RB1: variants seen among roughly 807,000 people sequenced by gnomAD.
The protein encoded by RB1 is RB transcriptional corepressor 1.
In RB1, 18 loss-of-function variants were observed where a neutral mutation model predicts 135.4. The ratio of observed to expected loss-of-function variants is 0.13; its 90% CI spans 0.09 to 0.20. The LOEUF is 0.20. RB1 is among the 10% of genes least tolerant of loss of function. RB1 has a pLI of 1.00. For missense variants in RB1, 868 were observed against 1,110.0 expected (o/e 0.78, Z 3.10); for synonymous variants, 365 against 373.2 (o/e 0.98, Z 0.25).
At chr13:48,436,342 G>T (rs1339236296) in intron 17 of RB1, among the ~76,000 whole-genome samples, 1 of 152,096 alleles carries the variant, frequency 6.6e-6, no homozygotes, top group Non-Finnish European at 1.5e-5. Context: ...GAATAATATA[G>T]ATATAGTTAA....
At chr13:48,304,158 C>G in intron 1 of RB1, 109 bp downstream of exon 1, 1 of 1,213,634 alleles carries the variant, frequency 8.2e-7, no homozygotes, top group Non-Finnish European at 1.0e-6. Context: ...GGGGCCGGGT[C>G]CCGGCGGGAG....
chr13:48,472,014 A>G (rs1022618218), intron 23 of RB1, among the ~76,000 whole-genome samples: 2 of 152,206 alleles, frequency 1.3e-5, no homozygotes, highest in African/African-American at 4.8e-5. Context: ...TGCAACTACA[A>G]ATCATTATAT....
At chr13:48,312,742 A>T (rs1159160244) in intron 2 of RB1, among the ~76,000 whole-genome samples, 2 of 151,418 alleles carry the variant, frequency 1.3e-5, no homozygotes, top group Non-Finnish European at 2.9e-5. Context: ...TTTCCTTTTT[A>T]TTTTTTTAAT....
chr13:48,461,428 GGTT>G (rs1949404394), intron 20 of RB1, among the ~76,000 whole-genome samples: 1 of 152,006 alleles, frequency 6.6e-6, no homozygotes. Context: ...TAAACATTTG[GGTT>G]GTTTCCACTT....
intron 20 of RB1, among the ~76,000 whole-genome samples, chr13:48,463,167 T>C (rs1949416237): frequency 6.6e-6 from 1 of 152,250 alleles, no homozygotes; most frequent in African/African-American, 2.4e-5. Context: ...AAATATCTTT[T>C]ATTGAAATGT....
At chr13:48,331,832 T>C (rs1045290601) in intron 2 of RB1, among the ~76,000 whole-genome samples, 1 of 152,190 alleles carries the variant, frequency 6.6e-6, no homozygotes, top group Non-Finnish European at 1.5e-5. Flanking sequence ...CGCAAAGATA[T>C]GGAAACAACC....
chr13:48,459,323 A>G (rs1308505031), intron 19 of RB1, among the ~76,000 whole-genome samples: 4 of 152,152 alleles, frequency 2.6e-5, no homozygotes, highest in African/African-American at 9.7e-5. Context: ...TATTTTTTAA[A>G]AAAACTCATG....
At chr13:48,374,309 CCTTA>C (rs1952795461) in intron 12 of RB1, among the ~76,000 whole-genome samples, 2 of 152,140 alleles carry the variant, frequency 1.3e-5, no homozygotes. Context: ...CTCCTTCACT[CCTTA>C]CTTAAACTCA....
intron 17 of RB1, among the ~76,000 whole-genome samples, chr13:48,449,099 C>T (rs1003245905): frequency 3.9e-5 from 6 of 151,988 alleles, no homozygotes; most frequent in African/African-American, 9.7e-5. Flanking sequence ...AGAACTGTTG[C>T]GTAATCGCCG....
chr13:48,338,710 C>T (rs1004772762), intron 2 of RB1, among the ~76,000 whole-genome samples: 3 of 152,188 alleles, frequency 2.0e-5, no homozygotes, highest in African/African-American at 4.8e-5. Flanking sequence ...AGCTTTGTTC[C>T]GTTGCTAGCG....
chr13:48,410,141 C>T (rs1475788133), intron 17 of RB1, among the ~76,000 whole-genome samples: 1 of 152,004 alleles, frequency 6.6e-6, no homozygotes, highest in Non-Finnish European at 1.5e-5. Flanking sequence ...CTTAAAATGG[C>T]CAGAAGAGTG....
chr13:48,311,317 A>G (rs1952128841), intron 2 of RB1, among the ~76,000 whole-genome samples: 1 of 152,222 alleles, frequency 6.6e-6, no homozygotes, highest in Non-Finnish European at 1.5e-5. Context: ...TGGTGGTTAT[A>G]TTTTAAATAA....
chr13:48,347,893 C>CT (rs1218670044), intron 5 of RB1, 30 bp downstream of exon 5: 2 of 1,530,444 alleles, frequency 1.3e-6, no homozygotes, highest in Middle Eastern at 1.7e-4. Context: ...TTATTTTTCA[C>CT]TTAAAAAAAA....
intron 17 of RB1, among the ~76,000 whole-genome samples, chr13:48,423,695 A>G (rs1374861126): frequency 1.3e-5 from 2 of 152,234 alleles, no homozygotes; most frequent in African/African-American, 4.8e-5. Flanking sequence ...AAAAAGAAAA[A>G]AATCAAATGA....
intron 2 of RB1, among the ~76,000 whole-genome samples, chr13:48,340,266 G>GA (rs200799016): frequency 1.3e-5 from 2 of 151,568 alleles, no homozygotes; most frequent in East Asian, 3.9e-4. Context: ...ACCCATAAAA[G>GA]AAAAAAAATG....
At chr13:48,389,490 T>C (rs1439033853) in intron 17 of RB1, 1 of 152,314 alleles carries the variant, frequency 6.6e-6, no homozygotes, top group East Asian at 1.9e-4. Flanking sequence ...TAAACATATT[T>C]TTTAAATCAG....
intron 11 of RB1, 119 bp from the exon 12 acceptor site, chr13:48,373,286 G>C (rs1183151009): frequency 1.3e-5 from 9 of 694,568 alleles, no homozygotes; most frequent in Middle Eastern, 3.6e-4. Context: ...GGAATGTAGA[G>C]ACAAGTGGGA....
rs374240708 is a variant in RB1, at chr13:48,392,871, G to A, written c.1695+11428G>A. 5.2e-4 allele frequency among the ~76,000 whole-genome samples: 79 copies of A among 151,812 alleles called. 2 individuals are homozygous for A. In the South Asian group the frequency reaches 0.015, roughly 29 times the overall value. On this transcript the variant is annotated intron_variant, in intron 17 of 26. Transcript: ENST00000267163. The stretch of plus-strand genomic sequence containing the variant: ...GCTTTAGTGGGTCCTGGATATTTTT[G>A]TATTCCTTTCACTATTTTGACCTGT...
rs1487793008 is a variant in RB1 at position 48,368,386 on chromosome 13, C to G, written c.1050-141C>G. On this transcript the variant is annotated intron_variant, in intron 10 of 26. Coordinates refer to ENST00000267163, the MANE Select transcript of RB1 (RefSeq NM_000321.3). ...TTTATTTAAGCAGCAGCTGGGTCAT[C>G]TATTTTCTATCCTATCTATTATTGA... is the stretch of plus-strand genomic sequence containing the variant. 3.7e-6 allele frequency: 4 copies of G among 1,068,460 alleles called. No homozygotes were observed. The African/African-American group carries it at 4.8e-5, about 13-fold the overall frequency. 66.2% of individuals were successfully genotyped at this position (1,068,460 alleles called of 1,614,324 possible). A position where few individuals can be genotyped will look rare whatever the true frequency, so the allele number is the denominator to read the frequency against.
Sources: allele counts gnomAD v4.1 joint callset (sites outside exome capture counted in the v4.1 genomes callset), GRCh38; gene constraint gnomAD v4.1.1; transcripts MANE v1.5; gene names NCBI Gene and HGNC (gene_info 2026-07-23, HGNC 2026-07-21).